SLC25A21: variants seen among roughly 807,000 people sequenced by gnomAD.
The protein encoded by SLC25A21 is solute carrier family 25 member 21.
A neutral mutation model predicts 43.8 loss-of-function variants in SLC25A21; 47 were observed. That is an observed-to-expected ratio of 1.07 (90% CI 0.85 to 1.37). The LOEUF (loss-of-function observed/expected upper bound fraction) is 1.37. Ranked by LOEUF, SLC25A21 falls within the 40% of genes most tolerant of loss-of-function variation. The pLI is 0.00. For missense variants in SLC25A21, 352 were observed against 350.2 expected, an observed-to-expected ratio of 1.00 and a Z score of -0.04; for synonymous variants, 131 against 121.3, an observed-to-expected ratio of 1.08 and a Z score of -0.52.
chr14:36,863,083 TAA>T (rs1442264769), intron 2 of SLC25A21, among the ~76,000 whole-genome samples: 1 of 152,134 alleles, frequency 6.6e-6, no homozygotes, highest in African/African-American at 2.4e-5. Flanking sequence ...ATTTTAGAAA[TAA>T]TTCACTTTCC....
intron 3 of SLC25A21, among the ~76,000 whole-genome samples, chr14:36,742,284 C>A (rs1594543160): frequency 1.3e-5 from 2 of 152,230 alleles, no homozygotes; most frequent in East Asian, 3.9e-4. Context: ...AAGTTTTTTA[C>A]CCACATGCTG....
intron 7 of SLC25A21, among the ~76,000 whole-genome samples, chr14:36,695,000 T>C (rs1242978689): frequency 1.3e-5 from 2 of 152,252 alleles, no homozygotes; most frequent in Non-Finnish European, 2.9e-5. Flanking sequence ...GTGTCCTGAA[T>C]GGTACTGCCT....
At chr14:37,143,608 G>GTGTGTGTGTGTA (rs1164501669) in intron 1 of SLC25A21, among the ~76,000 whole-genome samples, 3 of 151,984 alleles carry the variant, frequency 2.0e-5, no homozygotes, top group Non-Finnish European at 4.4e-5. Flanking sequence ...GTGTGTGTGT[G>GTGTGTGTGTGTA]TGTGTGTGTG....
intron 1 of SLC25A21, among the ~76,000 whole-genome samples, chr14:36,914,818 A>C (rs2138616487): frequency 6.6e-6 from 1 of 152,256 alleles, no homozygotes; most frequent in South Asian, 2.1e-4. Context: ...ATTTCCCTAA[A>C]ATTTGGCTAT....
chr14:36,925,965 C>G (rs1892120040), intron 1 of SLC25A21, among the ~76,000 whole-genome samples: 1 of 152,122 alleles, frequency 6.6e-6, no homozygotes, highest in African/African-American at 2.4e-5. Context: ...GACAGAAAAT[C>G]AGTAGGTCTA....
chr14:36,735,758 G>A (rs1431665391), intron 3 of SLC25A21, among the ~76,000 whole-genome samples: 3 of 151,258 alleles, frequency 2.0e-5, no homozygotes, highest in Non-Finnish European at 4.4e-5. Flanking sequence ...CAATTCACTG[G>A]CTTACATAGA....
chr14:36,771,527 G>A (rs185435118), intron 3 of SLC25A21, among the ~76,000 whole-genome samples: 1 of 152,244 alleles, frequency 6.6e-6, no homozygotes, highest in Non-Finnish European at 1.5e-5. Context: ...CATGGGTGAC[G>A]CAAGGACTCA....
At chr14:37,151,662 T>C (rs1396928043) in intron 1 of SLC25A21, among the ~76,000 whole-genome samples, 1 of 152,150 alleles carries the variant, frequency 6.6e-6, no homozygotes, top group Non-Finnish European at 1.5e-5. Context: ...AGCTCAAGCT[T>C]TGAAAGCAAA....
At chr14:36,710,604 A>G (rs1883814774) in intron 7 of SLC25A21, among the ~76,000 whole-genome samples, 1 of 151,656 alleles carries the variant, frequency 6.6e-6, no homozygotes, top group Non-Finnish European at 1.5e-5. Context: ...TAATTTTTTA[A>G]TTTTTTGTAG....
At chr14:37,128,469 T>C (rs1446890903) in intron 1 of SLC25A21, among the ~76,000 whole-genome samples, 3 of 151,946 alleles carry the variant, frequency 2.0e-5, no homozygotes, top group Non-Finnish European at 1.5e-5. Flanking sequence ...AACTCTAAAG[T>C]AAATACAAGT....
intron 3 of SLC25A21, among the ~76,000 whole-genome samples, chr14:36,795,908 G>T (rs977128822): frequency 2.0e-5 from 3 of 152,180 alleles, no homozygotes; most frequent in Non-Finnish European, 4.4e-5. Flanking sequence ...GCGGGTAGAG[G>T]AAGTTTAGAG....
At chr14:36,923,295 A>AG (rs1445814166) in intron 1 of SLC25A21, among the ~76,000 whole-genome samples, 6 of 152,324 alleles carry the variant, frequency 3.9e-5, no homozygotes, top group Middle Eastern at 3.4e-3. Context: ...AAAGCAATAG[A>AG]CAAACATGTT....
intron 1 of SLC25A21, among the ~76,000 whole-genome samples, chr14:37,002,336 T>C (rs1960505987): frequency 6.6e-6 from 1 of 152,144 alleles, no homozygotes; most frequent in Non-Finnish European, 1.5e-5. Context: ...TGGTAAATAA[T>C]ATAAGGTAGA....
chr14:37,056,741 T>A (rs891531885), intron 1 of SLC25A21, among the ~76,000 whole-genome samples: 10 of 152,156 alleles, frequency 6.6e-5, no homozygotes, highest in Admixed American at 5.9e-4. Flanking sequence ...AAGTCAGCAC[T>A]GAAAGATAAT....
At chr14:37,162,477 G>A (rs1385322054) in intron 1 of SLC25A21, among the ~76,000 whole-genome samples, 50 of 61,702 alleles carry the variant, frequency 8.1e-4, no homozygotes, top group African/African-American at 1.5e-3. Flanking sequence ...AAAAGTGGGC[G>A]AAGGACATGA....
intron 3 of SLC25A21, among the ~76,000 whole-genome samples, chr14:36,777,949 C>T (rs967211641): frequency 1.5e-4 from 23 of 152,126 alleles, no homozygotes; most frequent in African/African-American, 5.6e-4. Context: ...CTGAAGGTGC[C>T]CCTCAAAGTC....
At chr14:36,879,737 A>C (rs1212181037) in intron 1 of SLC25A21, among the ~76,000 whole-genome samples, 1 of 152,032 alleles carries the variant, frequency 6.6e-6, no homozygotes, top group African/African-American at 2.4e-5. Context: ...TCCCCTGGGC[A>C]GCCTGTTCAA....
At chr14:36,720,623 T>A (rs1193599480) in intron 6 of SLC25A21, among the ~76,000 whole-genome samples, 1 of 152,252 alleles carries the variant, frequency 6.6e-6, no homozygotes, top group Non-Finnish European at 1.5e-5. Flanking sequence ...GAAAATGAGC[T>A]TAGTTCATAA....
intron 1 of SLC25A21, among the ~76,000 whole-genome samples, chr14:36,918,433 A>C (rs1891890467): frequency 6.6e-6 from 1 of 152,166 alleles, no homozygotes; most frequent in Non-Finnish European, 1.5e-5. Flanking sequence ...TAAATAACTT[A>C]TTGAAAAGCT....
Sources: allele counts gnomAD v4.1 joint callset (sites outside exome capture counted in the v4.1 genomes callset), GRCh38; gene constraint gnomAD v4.1.1; transcripts MANE v1.5; gene names NCBI Gene and HGNC (gene_info 2026-07-23, HGNC 2026-07-21).